The following CYRIB variants were observed in gnomAD, a reference collection of about 807,000 sequenced individuals.
CYRIB encodes the protein CYFIP related Rac1 interactor B.
Under a neutral mutation model 44.2 loss-of-function variants are expected in CYRIB, and 8 were observed. That is an observed-to-expected ratio of 0.18 (90% CI 0.11 to 0.33). The LOEUF (loss-of-function observed/expected upper bound fraction) is 0.33, where lower values mean the gene tolerates loss of function less well. Ranked by LOEUF, CYRIB falls within the 10% of genes least tolerant of loss-of-function variation. The probability of loss-of-function intolerance (pLI) is 1.00; values close to 1 mark genes in which losing one functional copy is unlikely to be tolerated. For synonymous variants in CYRIB, 131 were observed against 127.2 expected, an observed-to-expected ratio of 1.03 and a Z score of -0.20; for missense variants, 185 against 382.8, an observed-to-expected ratio of 0.48 and a Z score of 4.31.
chr8:129,906,261 C>T (rs1465428572), intron 1 of CYRIB, among the ~76,000 whole-genome samples: 6 of 152,068 alleles, frequency 3.9e-5, no homozygotes, highest in South Asian at 2.1e-4. Context: ...GAGATATAGA[C>T]CAATGGAACA....
chr8:130,008,710 C>A (rs2097158001), intron 1 of CYRIB, among the ~76,000 whole-genome samples: 1 of 152,190 alleles, frequency 6.6e-6, no homozygotes, highest in Non-Finnish European at 1.5e-5. Flanking sequence ...ACAGAAATCT[C>A]CATTTGATTC....
intron 5 of CYRIB, 92 bp from the exon 8 acceptor site, chr8:129,855,839 C>T: frequency 8.3e-7 from 1 of 1,206,850 alleles, no homozygotes; most frequent in Non-Finnish European, 1.1e-6. Flanking sequence ...TGTTAATTCC[C>T]AGAAAAGTTC....
chr8:129,950,309 C>A (rs2094438669), intron 2 of CYRIB, among the ~76,000 whole-genome samples: 1 of 152,218 alleles, frequency 6.6e-6, no homozygotes, highest in Non-Finnish European at 1.5e-5. Context: ...GTGGCTCACG[C>A]CTGTAATCCC....
intron 1 of CYRIB, among the ~76,000 whole-genome samples, chr8:129,976,138 CTTG>C (rs1217960182): frequency 6.6e-6 from 1 of 152,004 alleles, no homozygotes; most frequent in African/African-American, 2.4e-5. Context: ...GTGGATTCAT[CTTG>C]TTATTTTATT....
At chr8:129,940,148 A>G (rs1003252078), upstream of CYRIB, among the ~76,000 whole-genome samples, 75 of 152,162 alleles carry the variant, frequency 4.9e-4, no homozygotes, top group African/African-American at 1.8e-3. Context: ...TGGGAAACGG[A>G]GGTTCAGAGG....
chr8:129,999,430 TGCAGAG>T (rs1270820025), intron 1 of CYRIB, among the ~76,000 whole-genome samples: 1 of 152,224 alleles, frequency 6.6e-6, no homozygotes, highest in Non-Finnish European at 1.5e-5. Context: ...AGTGACACGA[TGCAGAG>T]GCAAGGCCCA....
chr8:129,862,764 G>A (rs1398317350), intron 4 of CYRIB, among the ~76,000 whole-genome samples: 8 of 152,110 alleles, frequency 5.3e-5, no homozygotes, highest in African/African-American at 1.4e-4. Context: ...GAGCCACCAC[G>A]CACGGCTGAG....
intron 2 of CYRIB, among the ~76,000 whole-genome samples, chr8:129,956,046 T>C (rs2094808526): frequency 6.6e-6 from 1 of 152,192 alleles, no homozygotes; most frequent in East Asian, 1.9e-4. Flanking sequence ...CATTTTCACC[T>C]GACAATCTGG....
intron 1 of CYRIB, among the ~76,000 whole-genome samples, chr8:130,012,186 A>T (rs1363583965): frequency 6.6e-6 from 1 of 152,138 alleles, no homozygotes; most frequent in Admixed American, 6.6e-5. Context: ...GCAGCTAGTA[A>T]GTCCTCCAAA....
chr8:129,858,137 G>T lies in CYRIB; in HGVS notation c.302-2390C>A, dbSNP rs1051549430. 3.7e-4 allele frequency among the ~76,000 whole-genome samples: 56 copies of T among 152,344 alleles called. 1 individual carries two copies. The highest frequency in any genetic ancestry group is 1.3e-3 in the African/African-American group (55 of 41,578). On this transcript the variant is annotated intron_variant, in intron 5 of 11. Transcript: ENST00000519824. ...GTGCTGGCACAAGTCAGTCCTACTA[G>T]CCTACAATGCTCTGTCTCAAGAGAG...
At chr8:129,853,563 T>C (rs1452551149) in intron 7 of CYRIB, among the ~76,000 whole-genome samples, 1 of 152,206 alleles carries the variant, frequency 6.6e-6, no homozygotes, top group Non-Finnish European at 1.5e-5. Context: ...ATCTTTGAAA[T>C]TTTTCAGACC....
chr8:129,949,725 A>G (rs974417809), intron 2 of CYRIB, among the ~76,000 whole-genome samples: 2 of 152,094 alleles, frequency 1.3e-5, no homozygotes, highest in Admixed American at 6.5e-5. Context: ...AAAAAATACA[A>G]AAATTAGCAG....
intron 2 of CYRIB, among the ~76,000 whole-genome samples, chr8:129,951,692 C>T (rs975987532): frequency 5.0e-5 from 7 of 141,266 alleles, no homozygotes; most frequent in Admixed American, 2.2e-4. Flanking sequence ...GGTAACAGAG[C>T]GAGACTCCAT....
chr8:129,918,818 G>A (rs941871012), intron 1 of CYRIB, among the ~76,000 whole-genome samples: 13 of 152,134 alleles, frequency 8.5e-5, no homozygotes, highest in African/African-American at 1.4e-4. Flanking sequence ...AATGCAACCC[G>A]TCTAAAGTTA....
At chr8:130,016,728 C>T (rs1055441128), upstream of CYRIB, 3 of 149,462 alleles carry the variant, frequency 2.0e-5, no homozygotes, top group African/African-American at 4.9e-5. Context: ...CGCCGCGCCC[C>T]GGGACCGCCC....
At chr8:130,000,614 C>T (rs923371456) in intron 1 of CYRIB, among the ~76,000 whole-genome samples, 2 of 152,160 alleles carry the variant, frequency 1.3e-5, no homozygotes, top group African/African-American at 4.8e-5. Context: ...ATCACTTAAA[C>T]CCAAGAGGTT....
In CYRIB at chr8:129,988,778, G is replaced by GT. The variant is rs1554757722; in HGVS notation, c.-295-17784dup. Among the ~76,000 whole-genome samples, 12 of 148,746 alleles carry GT rather than the reference G, an allele frequency of 8.1e-5. No individual in the cohort carries two copies. The East Asian group carries it at 1.0e-3, about 13-fold the overall frequency. ...TGTTATGTAAATTATGGCGGGTGGG[G>GT]TTTTTTTTTCTCCTTGTTTTAATTG... is the stretch of plus-strand genomic sequence containing the variant. On this transcript the variant is annotated intron_variant, in intron 1 of 14. Transcript: ENST00000401979.
intron 1 of CYRIB, among the ~76,000 whole-genome samples, chr8:129,924,820 T>TA (rs1214986828): frequency 6.6e-6 from 1 of 151,726 alleles, no homozygotes; most frequent in Non-Finnish European, 1.5e-5. Context: ...TTTAAAAAAA[T>TA]AAAAAAACTT....
chr8:129,936,474 A>C (rs2092808138), intron 1 of CYRIB, among the ~76,000 whole-genome samples: 1 of 152,228 alleles, frequency 6.6e-6, no homozygotes, highest in Non-Finnish European at 1.5e-5. Context: ...TGATCATAAT[A>C]TAGAATGAGT....
Sources: gnomAD v4.1 joint callset for allele counts (sites outside exome capture counted in the v4.1 genomes callset) on GRCh38, gnomAD v4.1.1 for gene constraint, MANE v1.5 for transcripts, NCBI Gene and HGNC (gene_info 2026-07-23, HGNC 2026-07-21) for gene names.